NKAIN3: variants seen among roughly 807,000 people sequenced by gnomAD.
NKAIN3 encodes sodium/potassium transporting ATPase interacting 3.
A neutral mutation model predicts 30.2 loss-of-function variants in NKAIN3; 25 were observed. The observed-to-expected ratio is 0.83, with a 90% CI of 0.60 to 1.16. NKAIN3 has a LOEUF of 1.16. Ranked by LOEUF, NKAIN3 falls within the 50% of genes most tolerant of loss-of-function variation. The pLI, the probability that NKAIN3 is intolerant of heterozygous loss-of-function variation, is 0.00. For synonymous variants in NKAIN3, 91 were observed against 89.6 expected (o/e 1.02, Z -0.09); for missense variants, 225 against 254.1 (o/e 0.89, Z 0.78).
intron 4 of NKAIN3, among the ~76,000 whole-genome samples, chr8:62,827,251 A>G (rs1347462824): frequency 2.6e-5 from 4 of 152,170 alleles, no homozygotes; most frequent in Admixed American, 2.6e-4. Context: ...ACAAAAGACT[A>G]AGAGAGCATG....
chr8:62,437,468 G>A (rs575422729), intron 1 of NKAIN3, among the ~76,000 whole-genome samples: 7 of 152,266 alleles, frequency 4.6e-5, no homozygotes, highest in African/African-American at 1.4e-4. Flanking sequence ...AGCTACAGAT[G>A]TGGACATCCT....
At chr8:62,330,109 G>T (rs895710806) in intron 1 of NKAIN3, among the ~76,000 whole-genome samples, 1 of 152,044 alleles carries the variant, frequency 6.6e-6, no homozygotes, top group African/African-American at 2.4e-5. Context: ...AGAAAAGCAT[G>T]GACGATTCCA....
chr8:62,656,673 T>A (rs1000105917), intron 3 of NKAIN3, among the ~76,000 whole-genome samples: 4 of 152,136 alleles, frequency 2.6e-5, no homozygotes, highest in Admixed American at 1.3e-4. Flanking sequence ...GATAAGAGTG[T>A]TTGTTTTATG....
intron 1 of NKAIN3, among the ~76,000 whole-genome samples, chr8:62,309,012 C>T (rs1814344341): frequency 6.7e-6 from 1 of 150,266 alleles, no homozygotes; most frequent in Non-Finnish European, 1.5e-5. Flanking sequence ...TTTTGAAAAT[C>T]AGTGAGATTC....
chr8:62,505,721 A>G (rs1807611390), intron 1 of NKAIN3, among the ~76,000 whole-genome samples: 1 of 152,082 alleles, frequency 6.6e-6, no homozygotes, highest in African/African-American at 2.4e-5. Flanking sequence ...TTGTGAATTT[A>G]TTTATTTGGC....
At chr8:62,990,068 T>C (rs1337823880) in intron 5 of NKAIN3, 2 of 640,592 alleles carry the variant, frequency 3.1e-6, no homozygotes, top group Admixed American at 3.0e-5. Context: ...ATATTGACTT[T>C]TATTACACTT....
intron 4 of NKAIN3, among the ~76,000 whole-genome samples, chr8:62,763,259 A>AAAAAAAAAAAAAAAAAAAAAAAAAAAC: frequency 7.1e-6 from 1 of 140,380 alleles, no homozygotes; most frequent in African/African-American, 2.8e-5. Flanking sequence ...AAAAAAAAAA[A>AAAAAAAAAAAAAAAAAAAAAAAAAAAC]AACTTATATA....
chr8:62,296,736 G>A (rs548779342), intron 1 of NKAIN3, among the ~76,000 whole-genome samples: 28 of 152,228 alleles, frequency 1.8e-4, no homozygotes, highest in Admixed American at 1.3e-3. Flanking sequence ...CATCTACATG[G>A]CAACAGCTCC....
intron 5 of NKAIN3, among the ~76,000 whole-genome samples, chr8:62,938,603 C>G (rs1822857366): frequency 6.6e-6 from 1 of 151,484 alleles, no homozygotes; most frequent in African/African-American, 2.4e-5. Flanking sequence ...CCAGTACCAG[C>G]CCAGAGCCCG....
chr8:62,912,698 T>C (rs1246414388), intron 4 of NKAIN3, among the ~76,000 whole-genome samples: 2 of 151,890 alleles, frequency 1.3e-5, no homozygotes, highest in African/African-American at 2.4e-5. Flanking sequence ...TCACCTGAGG[T>C]CGGGAGTTCA....
chr8:62,575,768 C>G (rs896980326), intron 1 of NKAIN3, among the ~76,000 whole-genome samples: 2 of 152,086 alleles, frequency 1.3e-5, no homozygotes, highest in African/African-American at 4.8e-5. Flanking sequence ...AAAACAGACA[C>G]ATAGATTAAT....
At chr8:62,964,551 TG>T in intron 6 of NKAIN3, among the ~76,000 whole-genome samples, 1 of 143,958 alleles carries the variant, frequency 6.9e-6, no homozygotes, top group East Asian at 2.0e-4. Context: ...TGTGTGTGTG[TG>T]TGTGTGTGTG....
At position 62,634,909 on chromosome 8, in the gene NKAIN3, G is replaced by GA. The variant is rs575278382; in HGVS notation, c.273+45121dup. Among the ~76,000 whole-genome samples, 580 of 151,994 alleles carry GA rather than the reference G, an allele frequency of 3.8e-3. 3 individuals carry two copies. The highest frequency in any genetic ancestry group is 0.012 in the African/African-American group (512 of 41,474). On this transcript the variant is annotated intron_variant, in intron 3 of 6. Transcript: ENST00000623646. ...GCAGGGAAAGTAGAAAGAAGGAGGAGAAAAAAGACAGAAAGAAAACTTAGG... is the reference window on the plus strand; with the variant it reads ...GCAGGGAAAGTAGAAAGAAGGAGGAGAAAAAAAGACAGAAAGAAAACTTAGG...
At chr8:62,580,369 A>G (rs780034582) in intron 2 of NKAIN3, among the ~76,000 whole-genome samples, 1 of 152,208 alleles carries the variant, frequency 6.6e-6, no homozygotes, top group Admixed American at 6.5e-5. Flanking sequence ...AAAAGAGTTC[A>G]TTACTATAGG....
chr8:62,691,013 T>C (rs1457704276), intron 3 of NKAIN3, among the ~76,000 whole-genome samples: 3 of 152,184 alleles, frequency 2.0e-5, no homozygotes, highest in Admixed American at 1.3e-4. Flanking sequence ...TGCAGGTTCG[T>C]ATCAGGGCTA....
At chr8:62,795,828 T>C (rs1817843743) in intron 4 of NKAIN3, among the ~76,000 whole-genome samples, 1 of 152,152 alleles carries the variant, frequency 6.6e-6, no homozygotes, top group African/African-American at 2.4e-5. Context: ...TATCAGCTAG[T>C]CATGTTTTCA....
At chr8:62,565,853 A>C (rs1406463133) in intron 1 of NKAIN3, among the ~76,000 whole-genome samples, 1 of 152,166 alleles carries the variant, frequency 6.6e-6, no homozygotes, top group Non-Finnish European at 1.5e-5. Flanking sequence ...TTACCCTACA[A>C]TTAGGCAAAA....
At chr8:62,939,567 C>T (rs62508082) in intron 5 of NKAIN3, among the ~76,000 whole-genome samples, 4 of 152,010 alleles carry the variant, frequency 2.6e-5, no homozygotes, top group Non-Finnish European at 5.9e-5. Flanking sequence ...CAGCAGAAAC[C>T]CTACAAGCTA....
At chr8:62,446,943 T>C (rs913950377) in intron 1 of NKAIN3, among the ~76,000 whole-genome samples, 2 of 152,068 alleles carry the variant, frequency 1.3e-5, no homozygotes, top group African/African-American at 2.4e-5. Context: ...CTTTCATGTA[T>C]ATCTATATAT....
Sources: gnomAD v4.1 joint callset for allele counts (sites outside exome capture counted in the v4.1 genomes callset) on GRCh38, gnomAD v4.1.1 for gene constraint, MANE v1.5 for transcripts, NCBI Gene and HGNC (gene_info 2026-07-23, HGNC 2026-07-21) for gene names.